The following DDX54 variants were observed in gnomAD, a reference collection of about 807,000 sequenced individuals.
The protein encoded by DDX54 is ATP-dependent RNA helicase DDX54.
A neutral mutation model predicts 105.5 loss-of-function variants in DDX54; 67 were observed. The observed-to-expected ratio is 0.64, with a 90% CI of 0.52 to 0.78. The LOEUF is 0.78. DDX54 is among the 30% of genes least tolerant of loss of function. The pLI is 0.00. For synonymous variants in DDX54, 514 were observed against 509.9 expected (o/e 1.01, Z -0.11); for missense variants, 1,206 against 1,230.5 (o/e 0.98, Z 0.30).
intron 1 of DDX54, among the ~76,000 whole-genome samples, chr12:113,181,891 C>T (rs1027234761): frequency 3.9e-5 from 6 of 151,908 alleles, no homozygotes; most frequent in African/African-American, 1.5e-4. Context: ...TGGTGGCTCA[C>T]GCCTGTAATC....
intron 17 of DDX54, 92 bp from the exon 18 acceptor site, chr12:113,162,089 T>C: frequency 1.7e-6 from 2 of 1,196,196 alleles, no homozygotes; most frequent in South Asian, 1.2e-5. Context: ...CCGACCCTCT[T>C]GTCAGGTTGT....
chr12:113,158,978 G>T lies in DDX54; in HGVS notation c.2545C>A (p.Gln849Lys). ...CGGCGGCGGTTGCGGGCAGAGAGCT[G>T]CTTGAGGCCACCACGCTGCAGGAAG... Reference protein sequence around the residue: ...LHFLQRGGLKQLSARNRRRVQ... With the variant: ...LHFLQRGGLKKLSARNRRRVQ... Residue 849 changes from glutamine to lysine, a missense_variant, in exon 20 of 20, where the codon CAG becomes AAG. Coordinates refer to ENST00000306014, the MANE Select transcript of DDX54 (RefSeq NM_024072.4). The surrounding 1 kb of genome is among the most constrained non-coding windows in gnomAD (Gnocchi z 4.9). 1 of 1,611,332 alleles carries T rather than the reference G, an allele frequency of 6.2e-7. No individual in the cohort carries two copies. The highest frequency in any genetic ancestry group is 8.5e-7 in the Non-Finnish European group (1 of 1,179,126).
Position 113,185,149 on chromosome 12 carries a change from C to G in DDX54, c.174+129G>C, listed in dbSNP as rs973832348. The G allele has an allele frequency of 3.3e-6, 4 of 1,230,106 alleles. No homozygotes were observed. In the Admixed American group the frequency reaches 1.4e-4, roughly 44 times the overall value. The allele number at this position is 1,230,106 out of a possible 1,614,324, so 76.2% of individuals were successfully genotyped here. A position where few individuals can be genotyped will look rare whatever the true frequency, so the allele number is the denominator to read the frequency against. On this transcript the variant is annotated intron_variant, in intron 1 of 19. Coordinates refer to ENST00000306014, the MANE Select transcript of DDX54 (RefSeq NM_024072.4). Reference sequence around the variant, plus strand: ...TCAGGCCGGCGGTCCCAAGACCGGTCCTCGGGTCGGCAGCCTCCCTCCCCA... The same window carrying G: ...TCAGGCCGGCGGTCCCAAGACCGGTGCTCGGGTCGGCAGCCTCCCTCCCCA...
At chr12:113,174,615 T>G (rs1952377392) in intron 10 of DDX54, 25 bp downstream of exon 10, 2 of 1,604,768 alleles carry the variant, frequency 1.2e-6, no homozygotes. Flanking sequence ...AAGGAGGTGC[T>G]CCTCCCACTC....
chr12:113,185,404 G>A lies in DDX54; in HGVS notation c.48C>T (p.Ala16=). 6.5e-7 allele frequency: 1 copy of A among 1,543,714 alleles called. No homozygotes were observed. The highest frequency in any genetic ancestry group is 1.2e-5 in the South Asian group (1 of 83,434). Residue 16 remains alanine, a synonymous_variant, in exon 1 of 20, where the codon GCC becomes GCT. Transcript: ENST00000306014. ...GPAAGPRSRA[A]MAQWRKKKGL... is the part of the protein sequence containing the mutation. ...CTTTCTTCTTCCTCCACTGGGCCATGGCAGCTCGCGACCGAGGTCCAGCCG... is the reference window on the plus strand; with the variant it reads ...CTTTCTTCTTCCTCCACTGGGCCATAGCAGCTCGCGACCGAGGTCCAGCCG...
In DDX54 at chr12:113,185,351, G is replaced by T. The variant is rs1317672478; in HGVS notation, c.101C>A (p.Ser34Tyr). The change falls in exon 1 of 20, where the codon TCC becomes TAC. Residue 34 changes from serine (S) to tyrosine (Y), a missense_variant. Ser to Tyr is a moderately radical substitution (Grantham distance 144). Coordinates refer to ENST00000306014, the MANE Select transcript of DDX54 (RefSeq NM_024072.4). ...KGLRKRRGAA[S>Y]QARGSDSEDG... ...CTCCGAGTCGCTGCCGCGGGCCTGGGAGGCCGCGCCTCGGCGCTTCCGGAG... is the reference window on the plus strand; with the variant it reads ...CTCCGAGTCGCTGCCGCGGGCCTGGTAGGCCGCGCCTCGGCGCTTCCGGAG... The T allele has an allele frequency of 6.3e-7, 1 of 1,587,996 alleles. No homozygotes were observed.
intron 10 of DDX54, among the ~76,000 whole-genome samples, chr12:113,173,576 G>C (rs1952362986): frequency 6.6e-6 from 1 of 152,194 alleles, no homozygotes; most frequent in Admixed American, 6.5e-5. Context: ...TTTGACCCAG[G>C]CGGGGGTCAC....
chr12:113,158,870 C>T lies in DDX54; in HGVS notation c.*7G>A. On this transcript the variant is annotated 3_prime_UTR_variant, in exon 20 of 20. Transcript: ENST00000306014. This position sits in a 1 kb window ranked among gnomAD's most constrained non-coding sequence, Gnocchi z 4.9. Reference sequence around the variant, plus strand: ...AATCAAGGAGCCACGGGGCTGGGTCCTGGTCCTCACATCCTCTTCCGCATC... The same window carrying T: ...AATCAAGGAGCCACGGGGCTGGGTCTTGGTCCTCACATCCTCTTCCGCATC... The T allele has an allele frequency of 6.3e-7, 1 of 1,590,436 alleles. No individual in the cohort carries two copies. Among genetic ancestry groups the T allele is most frequent in the Non-Finnish European group, 8.6e-7 (1 of 1,163,874 alleles).
Position 113,174,657 on chromosome 12 carries a change from C to T in DDX54, c.1051G>A (p.Ala351Thr), listed in dbSNP as rs879618558. The T allele has an allele frequency of 2.5e-6, 4 of 1,611,288 alleles. No individual in the cohort carries two copies. Among genetic ancestry groups the T allele is most frequent in the Non-Finnish European group, 2.5e-6 (3 of 1,177,654 alleles). ...CTGCTCACCTCAGTGAGGTACTCGGCGTGGTGCTTCGTGGCCACAAACACC... is the reference window on the plus strand; with the variant it reads ...CTGCTCACCTCAGTGAGGTACTCGGTGTGGTGCTTCGTGGCCACAAACACC... Reference protein sequence around the residue: ...TVVFVATKHHAEYLTELLTTQ... With the variant: ...TVVFVATKHHTEYLTELLTTQ... Residue 351 changes from alanine (A) to threonine (T), a missense_variant, in exon 10 of 20, where the codon GCC (alanine) becomes ACC (threonine). Around this residue, in one of 3 missense-constraint regions of DDX54, gnomAD observed 961 missense variants for 1,019.1 expected, o/e 0.94. Coordinates refer to ENST00000306014, the MANE Select transcript of DDX54 (RefSeq NM_024072.4).
At chr12:113,169,391 C>T (rs1952309252) in intron 12 of DDX54, among the ~76,000 whole-genome samples, 1 of 151,944 alleles carries the variant, frequency 6.6e-6, no homozygotes, top group South Asian at 2.1e-4. Context: ...GGGAGGTGGG[C>T]GAATCACTTG....
chr12:113,181,022 AG>A lies in DDX54; in HGVS notation c.210del (p.Ser71ArgfsTer33). The A allele has an allele frequency of 6.2e-7, 1 of 1,613,158 alleles. No individual in the cohort carries two copies. ...GPGRPLPTFP[T>X]SECTSDVEPD... ...GGCTCCACATCCGAGGTGCATTCCGAGGTGGGGAAGGTGGGCAGGGGTCTTC... is the reference window on the plus strand; with the variant it reads ...GGCTCCACATCCGAGGTGCATTCCGAGTGGGGAAGGTGGGCAGGGGTCTTC... On this transcript the variant is annotated frameshift_variant, in exon 2 of 20. Coordinates refer to ENST00000306014, the MANE Select transcript of DDX54 (RefSeq NM_024072.4). LOFTEE classifies it high-confidence loss of function.
chr12:113,161,126 G>T, intron 19 of DDX54, 144 bp downstream of exon 19: 1 of 543,524 alleles, frequency 1.8e-6, no homozygotes, highest in Non-Finnish European at 3.1e-6. Flanking sequence ...ATCATGGAGG[G>T]ACCCAGGGTT....
chr12:113,180,009 G>A lies in DDX54; in HGVS notation c.305-4C>T. 2 of 1,614,096 alleles carry A rather than the reference G, an allele frequency of 1.2e-6. No individual in the cohort carries two copies. The highest frequency in any genetic ancestry group is 8.5e-7 in the Non-Finnish European group (1 of 1,180,008). Reference sequence around the variant, plus strand: ...TTGAACACCGGGTAGCTCAGGCCTGGGAGAGACATGAAACGGTCAGGGGGC... The same window carrying A: ...TTGAACACCGGGTAGCTCAGGCCTGAGAGAGACATGAAACGGTCAGGGGGC... On this transcript the variant is annotated splice_polypyrimidine_tract_variant and splice_region_variant and intron_variant, in intron 2 of 19. Coordinates refer to ENST00000306014, the MANE Select transcript of DDX54 (RefSeq NM_024072.4).
chr12:113,162,455 CA>C (rs1952219275), intron 17 of DDX54, among the ~76,000 whole-genome samples: 1 of 152,200 alleles, frequency 6.6e-6, no homozygotes, highest in Non-Finnish European at 1.5e-5. Flanking sequence ...ACAGCACAGC[CA>C]GGGGCCATCA....
chr12:113,164,484 C>T (rs1282486342), intron 14 of DDX54, among the ~76,000 whole-genome samples, 199 bp from the exon 15 acceptor site: 6 of 152,132 alleles, frequency 3.9e-5, no homozygotes, highest in African/African-American at 9.7e-5. Flanking sequence ...GAGGCTGAGG[C>T]GGGTGGATCA....
At chr12:113,161,414 G>GC (rs1264002697) in intron 18 of DDX54, 32 bp from the exon 19 acceptor site, 3 of 1,570,672 alleles carry the variant, frequency 1.9e-6, no homozygotes, top group African/African-American at 1.3e-5. Context: ...GCTGCGTGAA[G>GC]CCCCTGGGAT....
chr12:113,161,805 GC>G (rs1461582185), intron 18 of DDX54, 87 bp downstream of exon 18: 314 of 96,446 alleles, frequency 3.3e-3, no homozygotes, highest in Non-Finnish European at 4.8e-3. Context: ...CCCCGCCCCC[GC>G]CCCCGCCCCC....
In DDX54 at chr12:113,164,214, G is replaced by A. The variant is rs763168614; in HGVS notation, c.1791C>T (p.Asp597=). The A allele has an allele frequency of 6.3e-7, 1 of 1,586,180 alleles. No individual in the cohort carries two copies. The highest frequency in any genetic ancestry group is 2.3e-5 in the East Asian group (1 of 43,606). ...GCTGGAAGCGGGCGATGGCCTTGCG[G>A]TCCTTCTGCCGCTTGGCGCGCATCA... The part of the protein sequence containing the change: ...SQVMRAKRQK[D]RKAIARFQQG... The change falls in exon 15 of 20, where the codon GAC becomes GAT. Residue 597 remains aspartate (D), a synonymous_variant. Coordinates refer to ENST00000306014, the MANE Select transcript of DDX54 (RefSeq NM_024072.4).
chr12:113,160,035 C>G (rs549187101), intron 19 of DDX54, among the ~76,000 whole-genome samples: 1 of 152,302 alleles, frequency 6.6e-6, no homozygotes, highest in Non-Finnish European at 1.5e-5. Flanking sequence ...ACAGGTCGCC[C>G]CCGTCTCCCC....
Sources: allele counts gnomAD v4.1 joint callset (sites outside exome capture counted in the v4.1 genomes callset), GRCh38; gene constraint gnomAD v4.1.1; regional missense constraint gnomAD v4.1.1; non-coding constraint Gnocchi (gnomAD v3.1); transcripts MANE v1.5; gene names NCBI Gene and HGNC (gene_info 2026-07-23, HGNC 2026-07-21).